Variants in PCDHGA3 observed in about 807,000 individuals in gnomAD.
PCDHGA3 encodes the protein protocadherin gamma-A3.
PCDHGA3 carries 40 observed loss-of-function variants against 58.5 expected under a neutral mutation model. The observed-to-expected ratio is 0.68, with a 90% confidence interval of 0.53 to 0.89. PCDHGA3 has a LOEUF of 0.89. Ranked by LOEUF, PCDHGA3 falls within the 40% of genes least tolerant of loss-of-function variation. PCDHGA3 has a pLI of 0.00. For synonymous variants in PCDHGA3, 530 were observed against 525.7 expected (o/e 1.01, Z -0.11); for missense variants, 1,223 against 1,195.9 (o/e 1.02, Z -0.33).
chr5:141,411,017 A>T lies in PCDHGA3; in HGVS notation c.2424+64560A>T, dbSNP rs140607036. ...TACTGGTGCCCCTCACCACAGCTAA[A>T]TTTTTTGTATTTTTAGTAGACATGG... On this transcript the variant is annotated intron_variant, in intron 1 of 3. Transcript: ENST00000253812. 3.9e-3 allele frequency: 631 copies of T among 162,486 alleles called. 5 individuals are homozygous for T. Among genetic ancestry groups the T allele is most frequent in the Admixed American group, 0.011 (172 of 16,000 alleles). 10.1% of individuals were successfully genotyped at this position (162,486 alleles called of 1,614,324 possible).
At chr5:141,361,529 A>G in intron 1 of PCDHGA3, 1 of 1,614,030 alleles carries the variant, frequency 6.2e-7, no homozygotes, top group South Asian at 1.1e-5. Context: ...GCAGAGAACA[A>G]TCCTCCTGGC....
rs1345849371 is a variant in PCDHGA3 at position 141,362,707 on chromosome 5, G to A, written c.2424+16250G>A. On this transcript the variant is annotated intron_variant, in intron 1 of 3. Coordinates refer to ENST00000253812, the MANE Select transcript of PCDHGA3 (RefSeq NM_018916.4). Reference sequence around the variant, plus strand: ...AATCTTATCTAACTGAATTTTAAGTGTTTTCTCTCTGAAGTGTGAGATTTA... The same window carrying A: ...AATCTTATCTAACTGAATTTTAAGTATTTTCTCTCTGAAGTGTGAGATTTA... The A allele has an allele frequency of 1.5e-5, 15 of 973,906 alleles. No individual in the cohort carries two copies. The South Asian group carries it at 2.3e-4, about 15-fold the overall frequency. The allele number at this position is 973,906 out of a possible 1,614,324, so 60.3% of individuals were successfully genotyped here.
intron 1 of PCDHGA3, among the ~76,000 whole-genome samples, chr5:141,380,852 C>A (rs1429709070): frequency 6.6e-6 from 1 of 152,182 alleles, no homozygotes; most frequent in Non-Finnish European, 1.5e-5. Context: ...TGGATCAAGA[C>A]ATTGAGAGCT....
intron 1 of PCDHGA3, chr5:141,404,124 C>G: frequency 1.2e-6 from 2 of 1,613,272 alleles, no homozygotes; most frequent in Non-Finnish European, 1.7e-6. Flanking sequence ...GAGAATCTAT[C>G]TTTTACATTA....
intron 2 of PCDHGA3, among the ~76,000 whole-genome samples, chr5:141,500,381 T>G (rs1013284512): frequency 7.2e-5 from 11 of 151,786 alleles, no homozygotes; most frequent in African/African-American, 2.7e-4. Flanking sequence ...GCTAATTATT[T>G]TGTATTTTTA....
chr5:141,370,467 T>C lies in PCDHGA3; in HGVS notation c.2424+24010T>C, dbSNP rs563836197. 3.3e-5 allele frequency: 53 copies of C among 1,613,232 alleles called. 2 individuals are homozygous for C. In the South Asian group the frequency reaches 4.4e-4, roughly 13 times the overall value. On this transcript the variant is annotated intron_variant, in intron 1 of 3. Transcript: ENST00000253812. ...GCTATTTCTCTTCCTGCTCTCTTTG[T>C]TAGACCAGGCTCTCTCCGAACCGAT...
intron 3 of PCDHGA3, among the ~76,000 whole-genome samples, chr5:141,509,049 C>G (rs1384134813): frequency 3.3e-5 from 5 of 152,150 alleles, no homozygotes; most frequent in Non-Finnish European, 5.9e-5. Context: ...TCCCCCGCCC[C>G]CAGAAAGCTC....
Position 141,477,203 on chromosome 5 carries a change from G to A in PCDHGA3, c.2425-17604G>A. The A allele has an allele frequency of 6.2e-7, 1 of 1,614,176 alleles. No individual in the cohort carries two copies. The highest frequency in any genetic ancestry group is 8.5e-7 in the Non-Finnish European group (1 of 1,180,050). ...CACCTCCGTGTACAGCCCAGTACCC[G>A]AGGATGCCCCTCTGGGGACTGTCAT... On this transcript the variant is annotated intron_variant, in intron 1 of 3. Coordinates refer to ENST00000253812, the MANE Select transcript of PCDHGA3 (RefSeq NM_018916.4). This position sits in a 1 kb window ranked among gnomAD's most constrained non-coding sequence, Gnocchi z 4.9.
intron 1 of PCDHGA3, chr5:141,360,585 A>G: frequency 1.2e-6 from 2 of 1,614,006 alleles, no homozygotes; most frequent in Non-Finnish European, 8.5e-7. Context: ...AGCCAGGTAC[A>G]ACATTTCCAC....
At position 141,503,992 on chromosome 5, in the gene PCDHGA3, A is replaced by G. The variant is rs1419698681; in HGVS notation, c.2484-1401A>G. 2.6e-5 allele frequency among the ~76,000 whole-genome samples: 4 copies of G among 152,116 alleles called. No homozygotes were observed. In the East Asian group the frequency reaches 7.7e-4, roughly 29 times the overall value. ...GGTGCCAAACCCTTCTTCTTACCTTACAGTCACTTAACTGTCTCTGCTGGT... is the reference window on the plus strand; with the variant it reads ...GGTGCCAAACCCTTCTTCTTACCTTGCAGTCACTTAACTGTCTCTGCTGGT... On this transcript the variant is annotated intron_variant, in intron 2 of 3. Transcript: ENST00000253812.
At position 141,362,530 on chromosome 5, in the gene PCDHGA3, C is replaced by T. The variant is rs769795967; in HGVS notation, c.2424+16073C>T. 70 of 1,613,818 alleles carry T rather than the reference C, an allele frequency of 4.3e-5. 1 individual carries two copies. The highest frequency in any genetic ancestry group is 8.3e-5 in the Admixed American group (5 of 59,998). Reference sequence around the variant, plus strand: ...TACAAATCATGGAGCCGCTGGGGTCCCTTTTGCCTCAGATACTATTTTGAA... The same window carrying T: ...TACAAATCATGGAGCCGCTGGGGTCTCTTTTGCCTCAGATACTATTTTGAA... On this transcript the variant is annotated intron_variant, in intron 1 of 3. Coordinates refer to ENST00000253812, the MANE Select transcript of PCDHGA3 (RefSeq NM_018916.4).
At position 141,414,898 on chromosome 5, in the gene PCDHGA3, G is replaced by A. The variant is rs1369274783; in HGVS notation, c.2424+68441G>A. On this transcript the variant is annotated intron_variant, in intron 1 of 3. Coordinates refer to ENST00000253812, the MANE Select transcript of PCDHGA3 (RefSeq NM_018916.4). ...CCTGTACCCCGCCCTCCCCACAGAC[G>A]GTTCCACAGGCGTGGAGCTGGCGCC... is the stretch of plus-strand genomic sequence containing the variant. 2.5e-6 allele frequency: 4 copies of A among 1,614,190 alleles called. No individual in the cohort carries two copies. Among genetic ancestry groups the A allele is most frequent in the Admixed American group, 1.7e-5 (1 of 60,028 alleles).
intron 1 of PCDHGA3, chr5:141,410,849 C>CTTTTTTTTTTTTTTGTTTTTTTT (rs2095434772): frequency 7.7e-6 from 1 of 129,786 alleles, no homozygotes; most frequent in Admixed American, 1.1e-4. Flanking sequence ...TTGTCTTTGT[C>CTTTTTTTTTTTTTTGTTTTTTTT]TTTTTTTTTT....
chr5:141,496,888 T>TA (rs35063790), intron 2 of PCDHGA3, among the ~76,000 whole-genome samples: 34,968 of 133,936 alleles, frequency 0.26, 4,377 homozygotes, highest in Admixed American at 0.34. Flanking sequence ...AAGTAACACT[T>TA]AAAAAAAAAA....
At chr5:141,451,468 C>G (rs2098716484) in intron 1 of PCDHGA3, among the ~76,000 whole-genome samples, 1 of 152,202 alleles carries the variant, frequency 6.6e-6, no homozygotes, top group South Asian at 2.1e-4. Context: ...AGGTCTACCT[C>G]AGTTCCTTGC....
chr5:141,399,260 T>A (rs2093776436), intron 1 of PCDHGA3: 1 of 1,613,614 alleles, frequency 6.2e-7, no homozygotes, highest in South Asian at 1.1e-5. Context: ...AATGGGGAGG[T>A]TAATTGTCAA....
chr5:141,415,745 T>C, intron 1 of PCDHGA3: 1 of 517,922 alleles, frequency 1.9e-6, no homozygotes, highest in Non-Finnish European at 2.4e-6. Context: ...TTAAGGTTTT[T>C]TTTTTTTTTT....
chr5:141,412,963 G>A (rs1387713187), intron 1 of PCDHGA3: 2 of 518,110 alleles, frequency 3.9e-6, no homozygotes, highest in South Asian at 3.3e-5. Context: ...TCACCTACTA[G>A]GAGAGAAAAC....
Position 141,489,629 on chromosome 5 carries a change from C to G in PCDHGA3, c.2425-5178C>G. 6.2e-7 allele frequency: 1 copy of G among 1,614,142 alleles called. No individual in the cohort carries two copies. The highest frequency in any genetic ancestry group is 8.5e-7 in the Non-Finnish European group (1 of 1,180,014). On this transcript the variant is annotated intron_variant, in intron 1 of 3. Coordinates refer to ENST00000253812, the MANE Select transcript of PCDHGA3 (RefSeq NM_018916.4). The surrounding 1 kb of genome is among the most constrained non-coding windows in gnomAD (Gnocchi z 4.5). Reference sequence around the variant, plus strand: ...GAGATCCTGGATCTCAATGACAACTCTCCTAGCTTTGCCACCCCTGAGCGA... The same window carrying G: ...GAGATCCTGGATCTCAATGACAACTGTCCTAGCTTTGCCACCCCTGAGCGA...
Sources: allele counts gnomAD v4.1 joint callset (sites outside exome capture counted in the v4.1 genomes callset), GRCh38; gene constraint gnomAD v4.1.1; non-coding constraint Gnocchi (gnomAD v3.1); transcripts MANE v1.5; gene names NCBI Gene and HGNC (gene_info 2026-07-23, HGNC 2026-07-21).